ESR2: variants seen among roughly 807,000 people sequenced by gnomAD.
ESR2 encodes estrogen receptor 2.
In ESR2, 36 loss-of-function variants were observed where a neutral mutation model predicts 49.6. The ratio of observed to expected loss-of-function variants is 0.73; its 90% CI spans 0.56 to 0.96. The LOEUF is 0.96. Among genes scored for constraint, ESR2 ranks in the 40% least tolerant of loss-of-function variants. The pLI, the probability that ESR2 is intolerant of heterozygous loss-of-function variation, is 0.00. For missense variants in ESR2, 714 were observed against 693.0 expected, an observed-to-expected ratio of 1.03 and a Z score of -0.34; for synonymous variants, 320 against 266.1, an observed-to-expected ratio of 1.20 and a Z score of -1.97.
At chr14:64,245,318 C>T (rs2075826581) in intron 7 of ESR2, among the ~76,000 whole-genome samples, 1 of 151,946 alleles carries the variant, frequency 6.6e-6, no homozygotes, top group Admixed American at 6.6e-5. Flanking sequence ...TCGAGACCAG[C>T]CTGGCCAACA....
intron 1 of ESR2, among the ~76,000 whole-genome samples, chr14:64,319,910 C>T (rs1284974988): frequency 6.6e-6 from 1 of 151,986 alleles, no homozygotes; most frequent in African/African-American, 2.4e-5. Context: ...TACAATAAGA[C>T]TCAGAAATAG....
Position 64,283,027 on chromosome 14 carries a change from C to T in ESR2, c.-42G>A, listed in dbSNP as rs2076713645. The stretch of plus-strand genomic sequence containing the variant: ...TGAGAAAACACCTTGCAAGAAGAGG[C>T]ACAAAGGTCATTATAATGTTCTCAA... On this transcript the variant is annotated 5_prime_UTR_variant, in exon 2 of 9. Transcript: ENST00000341099. The T allele has an allele frequency of 2.5e-6, 4 of 1,569,328 alleles. No homozygotes were observed. The Admixed American group carries it at 7.3e-5, about 29-fold the overall frequency.
At chr14:64,280,176 A>G (rs746064388) in intron 2 of ESR2, 23 bp from the exon 3 acceptor site, 1 of 1,598,000 alleles carries the variant, frequency 6.3e-7, no homozygotes, top group Non-Finnish European at 8.6e-7. Flanking sequence ...GAAAATATCC[A>G]TTGAACAGAG....
chr14:64,236,293 C>G (rs1247445675), intron 7 of ESR2, among the ~76,000 whole-genome samples: 1 of 152,182 alleles, frequency 6.6e-6, no homozygotes, highest in Non-Finnish European at 1.5e-5. Flanking sequence ...TTCAATAGCC[C>G]TGAAGCTGCT....
At chr14:64,321,284 G>A (rs1596492103) in intron 1 of ESR2, among the ~76,000 whole-genome samples, 1 of 151,772 alleles carries the variant, frequency 6.6e-6, no homozygotes, top group African/African-American at 2.4e-5. Flanking sequence ...CACTAGTGAT[G>A]GAAGAGGGCA....
At position 64,282,930 on chromosome 14, in the gene ESR2, C is replaced by A. The variant is rs2076710336; in HGVS notation, c.56G>T (p.Ser19Ile). 6.2e-7 allele frequency: 1 copy of A among 1,613,996 alleles called. No individual in the cohort carries two copies. The highest frequency in any genetic ancestry group is 1.3e-5 in the African/African-American group (1 of 74,936). Reference protein sequence around the residue: ...SLNSPSSYNCSQSILPLEHGS... With the variant: ...SLNSPSSYNCIQSILPLEHGS... ...GTGCTCCAGGGGTAAGATGGATTGA[C>A]TGCAGTTGTAGGAGGAAGGAGAATT... The change falls in exon 2 of 9, where the codon AGT becomes ATT. Residue 19 changes from serine to isoleucine, a missense_variant. Transcript: ENST00000341099.
Position 64,230,129 on chromosome 14 carries a change from C to G in ESR2, c.*3008G>C, listed in dbSNP as rs560130162. On this transcript the variant is annotated 3_prime_UTR_variant, in exon 9 of 9. Transcript: ENST00000341099. ...GGAGGATCGCTTGAGCCCAGGAGGT[C>G]GAGGCTGCAGTGAGCCATGATGGCG... Among the ~76,000 whole-genome samples, 3 of 148,966 alleles carry G rather than the reference C, an allele frequency of 2.0e-5. No individual in the cohort carries two copies. Among genetic ancestry groups the G allele is most frequent in the Admixed American group, 1.4e-4 (2 of 14,800 alleles).
intron 1 of ESR2, among the ~76,000 whole-genome samples, chr14:64,308,739 G>T (rs2077144783): frequency 6.6e-6 from 1 of 150,420 alleles, no homozygotes; most frequent in Non-Finnish European, 1.5e-5. Context: ...TATACTACAT[G>T]TTGTTTGTTT....
At chr14:64,258,149 T>C (rs901496122) in intron 5 of ESR2, among the ~76,000 whole-genome samples, 1 of 151,948 alleles carries the variant, frequency 6.6e-6, no homozygotes, top group African/African-American at 2.4e-5. Context: ...GTCGAGGCTG[T>C]AGTGAGCTGA....
rs374264697 is a variant in ESR2 at position 64,261,232 on chromosome 14, C to CTTTTTTTTTTTTTTTTT, written c.653-485_653-484insAAAAAAAAAAAAAAAAA. On this transcript the variant is annotated intron_variant, in intron 4 of 8. Coordinates refer to ENST00000341099, the MANE Select transcript of ESR2 (RefSeq NM_001437.3). The stretch of plus-strand genomic sequence containing the variant: ...CAGTCTTTTTAATGCTTTTATTTTT[C>CTTTTTTTTTTTTTTTTT]TTTTTTCTTTTTTTTTTTTTTTTGA... 3.9e-4 allele frequency among the ~76,000 whole-genome samples: 35 copies of CTTTTTTTTTTTTTTTTT among 88,680 alleles called. 2 individuals are homozygous for CTTTTTTTTTTTTTTTTT. The highest frequency in any genetic ancestry group is 5.6e-4 in the Non-Finnish European group (27 of 48,624). The allele number at this position is 88,680 out of a possible 152,430, so 58.2% of individuals were successfully genotyped here.
rs1353523255 is a variant in ESR2, at chr14:64,231,943, C to G, written c.*1194G>C. 1 of 152,042 alleles carries G rather than the reference C, an allele frequency of 6.6e-6. No homozygotes were observed. Among genetic ancestry groups the G allele is most frequent in the Non-Finnish European group, 1.5e-5 (1 of 68,020 alleles). The allele number at this position is 152,042 out of a possible 1,614,324, so 9.4% of individuals were successfully genotyped here. On this transcript the variant is annotated 3_prime_UTR_variant, in exon 9 of 9. Coordinates refer to ENST00000341099, the MANE Select transcript of ESR2 (RefSeq NM_001437.3). ...TTTTACTGTTTCTTTTTCACCCTGC[C>G]CACCATATAAATTTTCCAATAAGAA...
intron 2 of ESR2, among the ~76,000 whole-genome samples, chr14:64,280,827 A>G (rs920788472): frequency 6.6e-6 from 1 of 152,078 alleles, no homozygotes. Flanking sequence ...TTGGCCAACA[A>G]GGTGAAACCC....
At chr14:64,271,247 C>T (rs931345755) in intron 3 of ESR2, among the ~76,000 whole-genome samples, 9 of 152,064 alleles carry the variant, frequency 5.9e-5, no homozygotes, top group Admixed American at 1.3e-4. Context: ...GCTGGGACTC[C>T]CACTTTCCCC....
At chr14:64,305,038 C>T (rs1337475206) in intron 1 of ESR2, among the ~76,000 whole-genome samples, 1 of 152,142 alleles carries the variant, frequency 6.6e-6, no homozygotes, top group Non-Finnish European at 1.5e-5. Flanking sequence ...CGCCTGTAAT[C>T]CCAGCTCTTT....
intron 7 of ESR2, among the ~76,000 whole-genome samples, chr14:64,246,622 G>A (rs775749025): frequency 1.3e-5 from 2 of 151,046 alleles, no homozygotes; most frequent in African/African-American, 2.4e-5. Flanking sequence ...AGCTACTTGG[G>A]ATGCTGAGGC....
chr14:64,274,778 A>G (rs530312749), intron 3 of ESR2, among the ~76,000 whole-genome samples: 2 of 152,292 alleles, frequency 1.3e-5, no homozygotes, highest in Admixed American at 1.3e-4. Flanking sequence ...CTTTCACTGT[A>G]TCCTATAGGT....
intron 4 of ESR2, among the ~76,000 whole-genome samples, chr14:64,263,483 C>T: frequency 6.6e-6 from 1 of 151,884 alleles, no homozygotes; most frequent in East Asian, 1.9e-4. Context: ...ATGGAAAAAC[C>T]CCATCTCTAC....
intron 1 of ESR2, among the ~76,000 whole-genome samples, chr14:64,291,822 C>A (rs1447257906): frequency 6.6e-6 from 1 of 151,948 alleles, no homozygotes; most frequent in Non-Finnish European, 1.5e-5. Flanking sequence ...ATTTTCAATC[C>A]CTGTTTTGCT....
intron 5 of ESR2, among the ~76,000 whole-genome samples, chr14:64,259,386 C>T (rs1157478269): frequency 6.6e-6 from 1 of 152,180 alleles, no homozygotes; most frequent in South Asian, 2.1e-4. Context: ...AGTCGCTGCC[C>T]TCCAGGCCAT....
Sources: gnomAD v4.1 joint callset for allele counts (sites outside exome capture counted in the v4.1 genomes callset) on GRCh38, gnomAD v4.1.1 for gene constraint, MANE v1.5 for transcripts, NCBI Gene and HGNC (gene_info 2026-07-23, HGNC 2026-07-21) for gene names.